STARD13: variants seen among roughly 807,000 people sequenced by gnomAD.
STARD13 encodes stAR-related lipid transfer protein 13.
Under a neutral mutation model 106.4 loss-of-function variants are expected in STARD13, and 62 were observed. The observed-to-expected ratio is 0.58, with a 90% CI of 0.48 to 0.72. STARD13 has a LOEUF of 0.72. Ranked by LOEUF, STARD13 falls within the 30% of genes least tolerant of loss-of-function variation. The pLI is 0.00. For synonymous variants in STARD13, 565 were observed against 553.0 expected (o/e 1.02, Z -0.31); for missense variants, 1,387 against 1,424.0 (o/e 0.97, Z 0.42).
the STARD13 span, among the ~76,000 whole-genome samples, chr13:33,492,818 C>A: frequency 1.3e-5 from 2 of 152,216 alleles, no homozygotes; most frequent in Non-Finnish European, 2.9e-5. Context: ...TTTCACTTTA[C>A]TCTGGACTCA....
intron 1 of STARD13, among the ~76,000 whole-genome samples, chr13:33,300,177 C>T (rs534862321): frequency 6.6e-6 from 1 of 152,280 alleles, no homozygotes; most frequent in South Asian, 2.1e-4. Flanking sequence ...GTTTCCTCAT[C>T]TATAAAATTG....
At chr13:33,551,842 C>T in the STARD13 span, among the ~76,000 whole-genome samples, 1 of 151,910 alleles carries the variant, frequency 6.6e-6, no homozygotes, top group African/African-American at 2.4e-5. Flanking sequence ...AGGTGATCCA[C>T]TCACCTTGGC....
At chr13:33,662,801 A>G in the STARD13 span, among the ~76,000 whole-genome samples, 4 of 152,344 alleles carry the variant, frequency 2.6e-5, no homozygotes, top group East Asian at 3.9e-4. Context: ...CTACAACCCT[A>G]TTGGTCAAAT....
At chr13:33,649,356 A>G in the STARD13 span, among the ~76,000 whole-genome samples, 1 of 152,120 alleles carries the variant, frequency 6.6e-6, no homozygotes, top group Non-Finnish European at 1.5e-5. Flanking sequence ...CTAAGCTCAA[A>G]TATGTTCTCT....
chr13:33,411,242 C>T, the STARD13 span, among the ~76,000 whole-genome samples: 3 of 152,208 alleles, frequency 2.0e-5, no homozygotes, highest in East Asian at 1.9e-4. Context: ...GCAAAATAAG[C>T]GCCATTCTCC....
intron 3 of STARD13, among the ~76,000 whole-genome samples, chr13:33,143,647 A>C (rs2138241067): frequency 6.6e-6 from 1 of 152,128 alleles, no homozygotes; most frequent in East Asian, 1.9e-4. Flanking sequence ...TCTGCCTCCC[A>C]GGCTCGAGCA....
the STARD13 span, among the ~76,000 whole-genome samples, chr13:33,596,397 C>T: frequency 6.6e-6 from 1 of 152,096 alleles, no homozygotes; most frequent in Admixed American, 6.6e-5. Flanking sequence ...GTCATCAATA[C>T]ACACACATGC....
the STARD13 span, among the ~76,000 whole-genome samples, chr13:33,375,844 C>A: frequency 5.3e-5 from 8 of 152,004 alleles, no homozygotes; most frequent in Admixed American, 2.6e-4. Flanking sequence ...CATATCAGCC[C>A]CCTTTCACAC....
rs747524663 is a variant in STARD13, at chr13:33,301,495, TAC to T, written c.124+48793_124+48794del. Among the ~76,000 whole-genome samples, 22 of 152,142 alleles carry T rather than the reference TAC, an allele frequency of 1.4e-4. 1 individual carries two copies. The highest frequency in any genetic ancestry group is 2.8e-4 in the Non-Finnish European group (19 of 68,006). On this transcript the variant is annotated intron_variant, in intron 1 of 5. Coordinates refer to the STARD13 transcript ENST00000567873. Reference sequence around the variant, plus strand: ...GTATGAAGACTCAAAGCTGCTGGTATACACCAAATGCCATAACCAATCAAGTT... The same window carrying T: ...GTATGAAGACTCAAAGCTGCTGGTATACCAAATGCCATAACCAATCAAGTT...
chr13:33,333,962 C>G (rs1235945648), intron 1 of STARD13: 1 of 152,126 alleles, frequency 6.6e-6, no homozygotes, highest in Non-Finnish European at 1.5e-5. Flanking sequence ...TGAATTTAAC[C>G]TCTCTGAAGT....
At chr13:33,418,528 G>A in the STARD13 span, among the ~76,000 whole-genome samples, 2 of 152,224 alleles carry the variant, frequency 1.3e-5, no homozygotes, top group East Asian at 3.9e-4. Flanking sequence ...CTGAACAAAA[G>A]GCAGTAAAAA....
At chr13:33,175,736 T>A (rs1327473790) in intron 1 of STARD13, among the ~76,000 whole-genome samples, 1 of 152,194 alleles carries the variant, frequency 6.6e-6, no homozygotes, top group East Asian at 1.9e-4. Flanking sequence ...GAAGTCAGAT[T>A]TCTTAGCTTT....
intron 1 of STARD13, among the ~76,000 whole-genome samples, chr13:33,330,881 T>C (rs533805055): frequency 1.3e-5 from 2 of 152,264 alleles, no homozygotes; most frequent in South Asian, 4.1e-4. Context: ...TTAAAAGCCA[T>C]GGAGGACTTC....
At chr13:33,501,019 A>C in the STARD13 span, among the ~76,000 whole-genome samples, 1 of 150,096 alleles carries the variant, frequency 6.7e-6, no homozygotes, top group East Asian at 1.9e-4. Flanking sequence ...TAAAAAAAAA[A>C]ACCTAAAAAA....
At chr13:33,499,609 T>TCTTCTTCCTC in the STARD13 span, among the ~76,000 whole-genome samples, 5 of 74,390 alleles carry the variant, frequency 6.7e-5, no homozygotes, top group Non-Finnish European at 1.1e-4. Context: ...TCTTCTTTCT[T>TCTTCTTCCTC]CTTCTTCTTC....
At chr13:33,402,969 T>C in the STARD13 span, among the ~76,000 whole-genome samples, 3 of 152,294 alleles carry the variant, frequency 2.0e-5, no homozygotes, top group African/African-American at 7.2e-5. Flanking sequence ...GGGCAAGAGC[T>C]CGGGATACAG....
chr13:33,127,520 A>T lies in STARD13; in HGVS notation c.1775T>A (p.Leu592Gln). The T allele has an allele frequency of 6.4e-7, 1 of 1,562,458 alleles. No homozygotes were observed. Among genetic ancestry groups the T allele is most frequent in the Non-Finnish European group, 8.6e-7 (1 of 1,161,542 alleles). ...TGGGGCCGGCCGGGGCTGGTGCGAC[A>T]GCTGGAAACTGTTCCATCGGAGTCG... ...NRRLRWNSFQ[L>Q]SHQPRPAPAS... is the part of the protein sequence containing the mutation. Residue 592 changes from leucine to glutamine, a missense_variant, in exon 6 of 14, where the codon CTG becomes CAG. Leu to Gln is a moderately radical substitution (Grantham distance 113, BLOSUM62 -2). Transcript: ENST00000336934.
chr13:33,614,372 T>G, the STARD13 span, among the ~76,000 whole-genome samples: 9,213 of 151,950 alleles, frequency 0.061, 359 homozygotes, highest in South Asian at 0.11. Context: ...TGTAAAAGTT[T>G]CAGAATTTCA....
the STARD13 span, among the ~76,000 whole-genome samples, chr13:33,534,272 T>G: frequency 6.6e-6 from 1 of 152,222 alleles, no homozygotes; most frequent in East Asian, 1.9e-4. Flanking sequence ...TTTTGAGTTA[T>G]CAGACTTTTA....
Sources: allele counts gnomAD v4.1 joint callset (sites outside exome capture counted in the v4.1 genomes callset), GRCh38; gene constraint gnomAD v4.1.1; transcripts MANE v1.5; gene names NCBI Gene and HGNC (gene_info 2026-07-23, HGNC 2026-07-21).